ARHGAP24: variants seen among roughly 807,000 people sequenced by gnomAD.
ARHGAP24 encodes rho GTPase-activating protein 24.
Under a neutral mutation model 76.4 loss-of-function variants are expected in ARHGAP24, and 50 were observed. The observed-to-expected ratio is 0.65, with a 90% CI of 0.52 to 0.83. ARHGAP24 has a LOEUF of 0.83. ARHGAP24 is among the 40% of genes least tolerant of loss of function. The pLI is 0.00. For synonymous variants in ARHGAP24, 345 were observed against 323.3 expected, an observed-to-expected ratio of 1.07 and a Z score of -0.72; for missense variants, 930 against 914.2, an observed-to-expected ratio of 1.02 and a Z score of -0.22.
At chr4:85,906,461 T>A (rs995265477) in intron 3 of ARHGAP24, among the ~76,000 whole-genome samples, 1 of 152,220 alleles carries the variant, frequency 6.6e-6, no homozygotes, top group African/African-American at 2.4e-5. Flanking sequence ...ATCTTAATTC[T>A]GACATTTTGC....
chr4:85,819,958 G>C (rs796535807), intron 3 of ARHGAP24, among the ~76,000 whole-genome samples: 3 of 151,088 alleles, frequency 2.0e-5, no homozygotes, highest in African/African-American at 7.4e-5. Flanking sequence ...CTTCCTGTAC[G>C]GCCTATGGAA....
chr4:85,992,224 C>T (rs1740373435), intron 8 of ARHGAP24: 1 of 397,060 alleles, frequency 2.5e-6, no homozygotes, highest in East Asian at 3.6e-5. Context: ...GTGGCACACA[C>T]ATCATCATTA....
At chr4:85,731,485 T>A (rs1578180085) in intron 3 of ARHGAP24, among the ~76,000 whole-genome samples, 1 of 152,370 alleles carries the variant, frequency 6.6e-6, no homozygotes, top group African/African-American at 2.4e-5. Flanking sequence ...AGTTTTATCA[T>A]CTATGGATTG....
At chr4:85,695,496 G>A (rs1447707060) in intron 2 of ARHGAP24, among the ~76,000 whole-genome samples, 2 of 152,148 alleles carry the variant, frequency 1.3e-5, no homozygotes, top group Admixed American at 6.5e-5. Flanking sequence ...AATTATTGTG[G>A]GAGGTCTCTT....
intron 3 of ARHGAP24, among the ~76,000 whole-genome samples, chr4:85,748,230 A>G (rs1330879454): frequency 2.0e-5 from 3 of 152,218 alleles, no homozygotes; most frequent in Non-Finnish European, 2.9e-5. Flanking sequence ...ACCTACTCCA[A>G]ACAAATTACA....
chr4:85,858,242 A>C (rs538325464), intron 3 of ARHGAP24, among the ~76,000 whole-genome samples: 38 of 152,310 alleles, frequency 2.5e-4, no homozygotes, highest in African/African-American at 8.4e-4. Context: ...TTTGTGAAAC[A>C]AACAAAGCAA....
chr4:85,873,838 G>C (rs1009655575), intron 3 of ARHGAP24, among the ~76,000 whole-genome samples: 3 of 152,114 alleles, frequency 2.0e-5, no homozygotes, highest in Admixed American at 2.0e-4. Flanking sequence ...CAGAGCAGTG[G>C]CTTCAAAACA....
chr4:85,615,357 A>C (rs1052476772), intron 2 of ARHGAP24, among the ~76,000 whole-genome samples: 9 of 152,176 alleles, frequency 5.9e-5, no homozygotes, highest in Non-Finnish European at 1.2e-4. Flanking sequence ...CCCTCCTAAA[A>C]CAACAAAAGA....
At chr4:85,516,640 GGT>G (rs1491586586) in intron 1 of ARHGAP24, among the ~76,000 whole-genome samples, 6 of 148,752 alleles carry the variant, frequency 4.0e-5, no homozygotes, top group Non-Finnish European at 7.4e-5. Flanking sequence ...AGATTTTGTG[GGT>G]TTTTTTCTTA....
At chr4:85,843,732 T>C (rs913154646) in intron 3 of ARHGAP24, among the ~76,000 whole-genome samples, 5 of 152,118 alleles carry the variant, frequency 3.3e-5, no homozygotes, top group Admixed American at 6.6e-5. Flanking sequence ...AAGCCACCTA[T>C]TTATTTACAG....
chr4:85,589,609 A>G (rs1450804443), intron 2 of ARHGAP24, among the ~76,000 whole-genome samples: 2 of 152,194 alleles, frequency 1.3e-5, no homozygotes, highest in African/African-American at 4.8e-5. Context: ...AATATCTTCT[A>G]CATCTCCGGC....
At chr4:85,634,926 C>T (rs1183353105) in intron 2 of ARHGAP24, among the ~76,000 whole-genome samples, 1 of 151,798 alleles carries the variant, frequency 6.6e-6, no homozygotes, top group African/African-American at 2.4e-5. Flanking sequence ...ACACCTTATT[C>T]ATCCTCAAAG....
intron 2 of ARHGAP24, among the ~76,000 whole-genome samples, chr4:85,718,465 ATT>A (rs1724813978): frequency 6.6e-6 from 1 of 151,998 alleles, no homozygotes; most frequent in Admixed American, 6.6e-5. Context: ...TAAATTAGAG[ATT>A]TTTGTTTGTT....
intron 3 of ARHGAP24, among the ~76,000 whole-genome samples, chr4:85,914,140 T>C (rs1477929175): frequency 1.3e-5 from 2 of 152,206 alleles, no homozygotes; most frequent in African/African-American, 4.8e-5. Context: ...ACAATGCAAA[T>C]AGGCATTTAG....
chr4:85,730,661 A>C (rs887511315), intron 3 of ARHGAP24, among the ~76,000 whole-genome samples: 1 of 152,146 alleles, frequency 6.6e-6, no homozygotes, highest in African/African-American at 2.4e-5. Context: ...CTCCTCCCTC[A>C]GCCTCCCAAA....
intron 5 of ARHGAP24, among the ~76,000 whole-genome samples, chr4:85,946,079 A>T (rs778115295): frequency 2.4e-4 from 37 of 152,128 alleles, no homozygotes; most frequent in Non-Finnish European, 5.0e-4. Flanking sequence ...TATGCAGGGA[A>T]AACTCTTGCT....
In ARHGAP24 at chr4:85,647,634, T is replaced by C. The variant is rs1170435267; in HGVS notation, c.181-74251T>C. On this transcript the variant is annotated intron_variant, in intron 2 of 9. Coordinates refer to ENST00000395184, the MANE Select transcript of ARHGAP24 (RefSeq NM_001025616.3). ...TTACAATAATGAATGTAGAATTGAA[T>C]TTTCATCTTAACAACTCTACAGTAG... Among the ~76,000 whole-genome samples the C allele has an allele frequency of 3.9e-5, 6 of 152,124 alleles. No individual in the cohort carries two copies. In the East Asian group the frequency reaches 9.6e-4, roughly 24 times the overall value.
chr4:85,691,694 T>C (rs1024061781), intron 2 of ARHGAP24, among the ~76,000 whole-genome samples: 1 of 152,220 alleles, frequency 6.6e-6, no homozygotes, highest in African/African-American at 2.4e-5. Context: ...GTATGATACA[T>C]CTTTCTCCAT....
intron 1 of ARHGAP24, among the ~76,000 whole-genome samples, chr4:85,546,087 A>C (rs1227118066): frequency 6.6e-6 from 1 of 152,198 alleles, no homozygotes; most frequent in African/African-American, 2.4e-5. Flanking sequence ...TAAAGTGGAA[A>C]TAATAATAGT....
Sources: gnomAD v4.1 joint callset for allele counts (sites outside exome capture counted in the v4.1 genomes callset) on GRCh38, gnomAD v4.1.1 for gene constraint, MANE v1.5 for transcripts, NCBI Gene and HGNC (gene_info 2026-07-23, HGNC 2026-07-21) for gene names.